Variants in TTC28 observed in about 807,000 individuals in gnomAD.
The protein encoded by TTC28 is tetratricopeptide repeat domain 28, also known as tetratricopeptide repeat protein 28.
Under a neutral mutation model 198.0 loss-of-function variants are expected in TTC28, and 61 were observed. The observed-to-expected ratio is 0.31, with a 90% CI of 0.25 to 0.38. The LOEUF (loss-of-function observed/expected upper bound fraction) is 0.38. Ranked by LOEUF, TTC28 falls within the 10% of genes least tolerant of loss-of-function variation. The probability of loss-of-function intolerance (pLI) is 1.00; values close to 1 mark genes in which losing one functional copy is unlikely to be tolerated. For synonymous variants in TTC28, 1,171 were observed against 1,297.8 expected, an observed-to-expected ratio of 0.90 and a Z score of 2.10; for missense variants, 2,678 against 3,164.0, an observed-to-expected ratio of 0.85 and a Z score of 3.69.
intron 2 of TTC28, among the ~76,000 whole-genome samples, chr22:28,588,693 C>G (rs76848347): frequency 2.0e-5 from 3 of 152,358 alleles, no homozygotes; most frequent in Non-Finnish European, 4.4e-5. Context: ...TAGCCAACTT[C>G]TGGCTTTGGA....
intron 5 of TTC28, among the ~76,000 whole-genome samples, chr22:28,207,679 C>T (rs1926542596): frequency 6.6e-6 from 1 of 152,140 alleles, no homozygotes; most frequent in Non-Finnish European, 1.5e-5. Flanking sequence ...GCTTTAGAGA[C>T]ACTGGAGAGC....
At chr22:28,580,194 C>G (rs557497611) in intron 2 of TTC28, among the ~76,000 whole-genome samples, 2 of 152,202 alleles carry the variant, frequency 1.3e-5, no homozygotes, top group Admixed American at 6.5e-5. Context: ...ATTAAACAGG[C>G]TGAGTGGATA....
At chr22:28,623,930 TA>T (rs912834039) in intron 2 of TTC28, among the ~76,000 whole-genome samples, 5 of 150,616 alleles carry the variant, frequency 3.3e-5, no homozygotes, top group Non-Finnish European at 5.9e-5. Flanking sequence ...GCTCATATTT[TA>T]AAAAAAAAGA....
intron 7 of TTC28, among the ~76,000 whole-genome samples, chr22:28,106,764 T>C (rs1304132645): frequency 6.6e-6 from 1 of 152,204 alleles, no homozygotes; most frequent in Non-Finnish European, 1.5e-5. Context: ...CATTCTAATG[T>C]AGTCAAAAGG....
At chr22:28,674,617 C>G (rs983909189) in intron 1 of TTC28, among the ~76,000 whole-genome samples, 14 of 151,648 alleles carry the variant, frequency 9.2e-5, no homozygotes, top group African/African-American at 3.4e-4. Context: ...GTCAGGAGTT[C>G]AAGACCAGCC....
At chr22:28,337,648 G>T (rs144967382) in intron 2 of TTC28, among the ~76,000 whole-genome samples, 7,413 of 152,194 alleles carry the variant, frequency 0.049, 218 homozygotes, top group African/African-American at 0.091. Context: ...TTTTATCCGA[G>T]AGTAGGATTG....
chr22:27,993,535 G>T lies in TTC28; in HGVS notation c.5245-17C>A. ...TTTCTCCACCTGAGGGGGAATTGGG[G>T]GTGAGTCAGAGACCCAGGCCAGCCC... On this transcript the variant is annotated splice_polypyrimidine_tract_variant and intron_variant, in intron 17 of 22. Coordinates refer to ENST00000397906, the MANE Select transcript of TTC28 (RefSeq NM_001145418.2). 2 of 1,531,002 alleles carry T rather than the reference G, an allele frequency of 1.3e-6. No homozygotes were observed. The highest frequency in any genetic ancestry group is 1.2e-5 in the South Asian group (1 of 81,318). The allele number at this position is 1,531,002 out of a possible 1,614,324, so 94.8% of individuals were successfully genotyped here. A position where few individuals can be genotyped will look rare whatever the true frequency, so the allele number is the denominator to read the frequency against.
intron 2 of TTC28, among the ~76,000 whole-genome samples, chr22:28,418,766 A>G (rs1434709780): frequency 6.6e-6 from 1 of 152,254 alleles, no homozygotes; most frequent in Non-Finnish European, 1.5e-5. Flanking sequence ...TTAGCTAACA[A>G]CAAACATCAA....
At chr22:28,307,526 C>T (rs578099271) in intron 2 of TTC28, among the ~76,000 whole-genome samples, 51 of 152,248 alleles carry the variant, frequency 3.3e-4, no homozygotes, top group Admixed American at 7.8e-4. Flanking sequence ...GATCCTCCCA[C>T]CTCAGCCTCC....
chr22:28,597,713 A>G (rs2050564896), intron 2 of TTC28, among the ~76,000 whole-genome samples: 1 of 152,246 alleles, frequency 6.6e-6, no homozygotes, highest in African/African-American at 2.4e-5. Flanking sequence ...CGGAAAAAGT[A>G]CATAAGGAGA....
chr22:28,204,479 A>T (rs538372994), intron 5 of TTC28, among the ~76,000 whole-genome samples: 1 of 152,206 alleles, frequency 6.6e-6, no homozygotes, highest in South Asian at 2.1e-4. Flanking sequence ...AACTGTCCAC[A>T]TTTTCCATAT....
chr22:28,257,447 T>G (rs993167044), intron 5 of TTC28, among the ~76,000 whole-genome samples: 1 of 151,924 alleles, frequency 6.6e-6, no homozygotes, highest in Admixed American at 6.6e-5. Context: ...ATTCTGTAAT[T>G]TGCAGCAACA....
chr22:28,429,281 C>G (rs890597095), intron 2 of TTC28, among the ~76,000 whole-genome samples: 4 of 152,166 alleles, frequency 2.6e-5, no homozygotes, highest in African/African-American at 9.7e-5. Flanking sequence ...AGCTGCTGTA[C>G]TGAAGCATGG....
intron 2 of TTC28, among the ~76,000 whole-genome samples, chr22:28,571,993 T>C (rs1432223878): frequency 1.3e-5 from 2 of 150,502 alleles, no homozygotes; most frequent in African/African-American, 4.9e-5. Context: ...ACCGATAATG[T>C]ATACTCTGCC....
Position 28,347,421 on chromosome 22 carries a change from G to A in TTC28, c.382-40778C>T, listed in dbSNP as rs544893897. The stretch of plus-strand genomic sequence containing the variant: ...CATATTTCATCCCTAGAGTTTTGTT[G>A]ATAGATTTTCATCACAGATAGCTTG... On this transcript the variant is annotated intron_variant, in intron 2 of 22. Transcript: ENST00000397906. Among the ~76,000 whole-genome samples, 20 of 152,172 alleles carry A rather than the reference G, an allele frequency of 1.3e-4. No individual in the cohort carries two copies. In the South Asian group the frequency reaches 4.2e-3, roughly 32 times the overall value.
At chr22:28,191,372 A>G (rs1274281098) in intron 5 of TTC28, among the ~76,000 whole-genome samples, 3 of 152,240 alleles carry the variant, frequency 2.0e-5, no homozygotes, top group African/African-American at 7.2e-5. Context: ...GCAACACAGA[A>G]GACGGGTGAT....
intron 5 of TTC28, among the ~76,000 whole-genome samples, chr22:28,265,200 T>G (rs1931602249): frequency 6.6e-6 from 1 of 152,206 alleles, no homozygotes; most frequent in African/African-American, 2.4e-5. Context: ...ACACAATTAA[T>G]AGAACTATAA....
chr22:28,258,297 C>A (rs964496449), intron 5 of TTC28, among the ~76,000 whole-genome samples: 15 of 152,064 alleles, frequency 9.9e-5, no homozygotes, highest in Non-Finnish European at 1.6e-4. Flanking sequence ...TTTACATGTT[C>A]TTCAGTCTTG....
At chr22:28,548,766 G>A (rs765862298) in intron 2 of TTC28, among the ~76,000 whole-genome samples, 12 of 152,128 alleles carry the variant, frequency 7.9e-5, no homozygotes, top group Non-Finnish European at 1.6e-4. Context: ...TTACAAGAAG[G>A]CCATTTTTCT....
Sources: allele counts gnomAD v4.1 joint callset (sites outside exome capture counted in the v4.1 genomes callset), GRCh38; gene constraint gnomAD v4.1.1; transcripts MANE v1.5; gene names NCBI Gene and HGNC (gene_info 2026-07-23, HGNC 2026-07-21).